RNF24: variants seen among roughly 807,000 people sequenced by gnomAD.
The protein encoded by RNF24 is ring finger protein 24.
Under a neutral mutation model 20.0 loss-of-function variants are expected in RNF24, and 14 were observed. The observed-to-expected ratio is 0.70, with a 90% CI of 0.46 to 1.10. The LOEUF is 1.10. Ranked by LOEUF, RNF24 falls within the 50% of genes least tolerant of loss-of-function variation. The pLI, the probability that RNF24 is intolerant of heterozygous loss-of-function variation, is 0.00. For synonymous variants in RNF24, 45 were observed against 61.1 expected, an observed-to-expected ratio of 0.74 and a Z score of 1.23; for missense variants, 124 against 177.6, an observed-to-expected ratio of 0.70 and a Z score of 1.71.
At chr20:3,960,945 C>T (rs193117267) in intron 2 of RNF24, among the ~76,000 whole-genome samples, 3 of 152,106 alleles carry the variant, frequency 2.0e-5, no homozygotes, top group African/African-American at 7.2e-5. Context: ...AGGCGTGTGC[C>T]ACCACACCCA....
rs200006051 is a variant in RNF24, at chr20:3,934,240, T to G, written c.309-39A>C. On this transcript the variant is annotated intron_variant, in intron 5 of 5. Transcript: ENST00000358395. This position sits in a 1 kb window ranked among gnomAD's most constrained non-coding sequence, Gnocchi z 4.0. ...CACCACAGGGGGAAGATGTCAGTCC[T>G]ATGCTCATGGCACGGCTGTTCTGCT... 8.8e-6 allele frequency: 14 copies of G among 1,587,942 alleles called. No homozygotes were observed.
intron 2 of RNF24, among the ~76,000 whole-genome samples, chr20:3,957,318 AGGCATGATGGCGT>A: frequency 6.6e-6 from 1 of 151,746 alleles, no homozygotes; most frequent in Non-Finnish European, 1.5e-5. Context: ...AAAGTTAGCC[AGGCATGATGGCGT>A]GTGCCTATAG....
chr20:3,939,429 C>A (rs2090929593), intron 4 of RNF24, among the ~76,000 whole-genome samples: 1 of 152,060 alleles, frequency 6.6e-6, no homozygotes. Flanking sequence ...TCCAGTTGTC[C>A]CAGCACCACT....
chr20:3,998,936 C>T (rs560196812), intron 1 of RNF24, among the ~76,000 whole-genome samples: 16 of 151,456 alleles, frequency 1.1e-4, no homozygotes, highest in African/African-American at 1.7e-4. Context: ...AAAAATTAGC[C>T]GGGCGTGGTG....
At chr20:3,941,812 C>T (rs186528804) in intron 4 of RNF24, among the ~76,000 whole-genome samples, 294 of 152,240 alleles carry the variant, frequency 1.9e-3, no homozygotes, top group African/African-American at 6.9e-3. Flanking sequence ...TGGTGGCTCA[C>T]GCCTGTAATC....
chr20:3,937,482 T>C (rs542176880), intron 4 of RNF24, among the ~76,000 whole-genome samples: 1 of 152,308 alleles, frequency 6.6e-6, no homozygotes, highest in East Asian at 1.9e-4. Flanking sequence ...TAAGTAACAG[T>C]ACAATTCAGC....
rs1199265542 is a variant in RNF24, at chr20:3,933,662, G to A, written c.*401C>T. ...GCTGGGAAGGTTTGCTGCGACAAAGGCCTGCATGGCCTACAGAGAAACCCA... is the reference window on the plus strand; with the variant it reads ...GCTGGGAAGGTTTGCTGCGACAAAGACCTGCATGGCCTACAGAGAAACCCA... On this transcript the variant is annotated 3_prime_UTR_variant, in exon 6 of 6. Transcript: ENST00000358395. The A allele has an allele frequency of 1.2e-5, 2 of 171,994 alleles. No homozygotes were observed. The highest frequency in any genetic ancestry group is 2.4e-5 in the Non-Finnish European group (2 of 81,656). 10.7% of individuals were successfully genotyped at this position (171,994 alleles called of 1,614,324 possible). A position where few individuals can be genotyped will look rare whatever the true frequency, so the allele number is the denominator to read the frequency against.
intron 4 of RNF24, among the ~76,000 whole-genome samples, chr20:3,938,222 A>G (rs905540746): frequency 4.6e-5 from 7 of 152,214 alleles, no homozygotes; most frequent in Admixed American, 3.9e-4. Context: ...TCTTCTTTGG[A>G]GAAATGCCTA....
intron 1 of RNF24, among the ~76,000 whole-genome samples, chr20:4,013,540 G>A (rs1207437259): frequency 6.6e-6 from 1 of 152,108 alleles, no homozygotes; most frequent in Non-Finnish European, 1.5e-5. Context: ...GAATGCAATG[G>A]CGCGATCTAG....
Position 3,986,988 on chromosome 20 carries a change from G to C in RNF24, c.-7-22964C>G, listed in dbSNP as rs1979982242. Reference sequence around the variant, plus strand: ...AGTAGCATGATCATAGCTCACTGCAGCCTCAAACTCCTAGGGTCAAGGGAT... The same window carrying C: ...AGTAGCATGATCATAGCTCACTGCACCCTCAAACTCCTAGGGTCAAGGGAT... On this transcript the variant is annotated intron_variant, in intron 1 of 5. Coordinates refer to ENST00000358395, the MANE Select transcript of RNF24 (RefSeq NM_001134337.3). Among the ~76,000 whole-genome samples, 2 of 152,126 alleles carry C rather than the reference G, an allele frequency of 1.3e-5. 1 individual carries two copies. The highest frequency in any genetic ancestry group is 4.1e-4 in the South Asian group (2 of 4,830).
At chr20:3,942,257 C>A (rs2090965771) in intron 4 of RNF24, among the ~76,000 whole-genome samples, 4 of 151,020 alleles carry the variant, frequency 2.6e-5, no homozygotes. Flanking sequence ...CAGCCTAAAC[C>A]TCCTGGGCTC....
intron 1 of RNF24, among the ~76,000 whole-genome samples, chr20:3,993,141 AG>A (rs1447329993): frequency 2.0e-5 from 3 of 152,170 alleles, no homozygotes; most frequent in Admixed American, 1.3e-4. Context: ...GTTTGTGACT[AG>A]GTTGTATACA....
intron 1 of RNF24, among the ~76,000 whole-genome samples, chr20:3,988,098 G>A (rs1310959549): frequency 2.0e-5 from 3 of 152,080 alleles, no homozygotes; most frequent in Non-Finnish European, 2.9e-5. Flanking sequence ...CAAGGTGAGA[G>A]GACAGCTTAG....
chr20:3,965,116 G>C, intron 1 of RNF24, among the ~76,000 whole-genome samples: 1 of 152,124 alleles, frequency 6.6e-6, no homozygotes, highest in East Asian at 1.9e-4. Context: ...GCTGTAGTTT[G>C]TCATTTTGAT....
At chr20:3,984,358 T>C (rs1414465690) in intron 1 of RNF24, among the ~76,000 whole-genome samples, 2 of 152,198 alleles carry the variant, frequency 1.3e-5, no homozygotes, top group Non-Finnish European at 2.9e-5. Context: ...GACCTAGTCA[T>C]CCCTGGCAAG....
At chr20:3,947,173 A>G (rs1417603256) in intron 3 of RNF24, among the ~76,000 whole-genome samples, 2 of 152,202 alleles carry the variant, frequency 1.3e-5, no homozygotes, top group African/African-American at 4.8e-5. Context: ...CAGCCTGGCG[A>G]CAGAGCGAGA....
At chr20:3,959,737 T>C (rs1444073465) in intron 2 of RNF24, among the ~76,000 whole-genome samples, 1 of 152,228 alleles carries the variant, frequency 6.6e-6, no homozygotes, top group African/African-American at 2.4e-5. Context: ...TGATCCTGAC[T>C]TTCATGTTTC....
intron 1 of RNF24, among the ~76,000 whole-genome samples, chr20:3,980,470 A>T (rs1979285201): frequency 6.6e-6 from 1 of 152,202 alleles, no homozygotes; most frequent in Non-Finnish European, 1.5e-5. Flanking sequence ...CGACAGCTTG[A>T]GATTTCATTA....
In RNF24 at chr20:3,933,840, C is replaced by T. The variant is rs1414003696; in HGVS notation, c.*223G>A. The T allele has an allele frequency of 4.0e-5, 15 of 373,730 alleles. No homozygotes were observed. The East Asian group carries it at 4.0e-4, about 10-fold the overall frequency. The allele number at this position is 373,730 out of a possible 1,614,324, so 23.2% of individuals were successfully genotyped here. On this transcript the variant is annotated 3_prime_UTR_variant, in exon 6 of 6. Transcript: ENST00000358395. ...GTTTCTTGAGGCAAACCCGCAGGCT[C>T]ATCCACTCCTCTTCTCTCGGCAGGG... is the stretch of plus-strand genomic sequence containing the variant.
Sources: allele counts gnomAD v4.1 joint callset (sites outside exome capture counted in the v4.1 genomes callset), GRCh38; gene constraint gnomAD v4.1.1; non-coding constraint Gnocchi (gnomAD v3.1); transcripts MANE v1.5; gene names NCBI Gene and HGNC (gene_info 2026-07-23, HGNC 2026-07-21).